The following SNTB1 variants were observed in gnomAD, a reference collection of about 807,000 sequenced individuals.
SNTB1 encodes the protein beta-1-syntrophin.
Under a neutral mutation model 48.9 loss-of-function variants are expected in SNTB1, and 36 were observed. The observed-to-expected ratio is 0.74, with a 90% confidence interval of 0.56 to 0.97. The LOEUF is 0.97. Ranked by LOEUF, SNTB1 falls within the 50% of genes least tolerant of loss-of-function variation. SNTB1 has a pLI of 0.00. For missense variants in SNTB1, 786 were observed against 703.4 expected (o/e 1.12, Z -1.33); for synonymous variants, 299 against 294.6 (o/e 1.01, Z -0.15).
At chr8:120,569,170 G>A (rs4521809) in intron 4 of SNTB1, among the ~76,000 whole-genome samples, 29,646 of 152,000 alleles carry the variant, frequency 0.2, 2,996 homozygotes, top group Middle Eastern at 0.3. Context: ...TAGTAGAGAC[G>A]GGGTTTCACC....
rs549864129 is a variant in SNTB1 at position 120,770,807 on chromosome 8, C to G, written c.571+40466G>C. ...CAGCCTGGGCAACAAGAGCAAAACTCTGTCTCAAAAAAAAATTTTTAAAAA... is the reference window on the plus strand; with the variant it reads ...CAGCCTGGGCAACAAGAGCAAAACTGTGTCTCAAAAAAAAATTTTTAAAAA... On this transcript the variant is annotated intron_variant, in intron 1 of 6. Coordinates refer to ENST00000517992, the MANE Select transcript of SNTB1 (RefSeq NM_021021.4). 2.0e-5 allele frequency among the ~76,000 whole-genome samples: 3 copies of G among 152,204 alleles called. No individual in the cohort carries two copies. In the East Asian group the frequency reaches 5.8e-4, roughly 29 times the overall value.
At chr8:120,722,901 T>C (rs992167056) in intron 1 of SNTB1, among the ~76,000 whole-genome samples, 1 of 152,202 alleles carries the variant, frequency 6.6e-6, no homozygotes, top group Non-Finnish European at 1.5e-5. Flanking sequence ...CTTTAATCCA[T>C]CTTGAATTAA....
At chr8:120,562,572 TTTC>T (rs1356145683) in intron 4 of SNTB1, among the ~76,000 whole-genome samples, 1 of 152,114 alleles carries the variant, frequency 6.6e-6, no homozygotes, top group Non-Finnish European at 1.5e-5. Flanking sequence ...GGCATGTAAA[TTTC>T]TTCATGTCAC....
At chr8:120,683,559 T>G (rs1817974652) in intron 2 of SNTB1, among the ~76,000 whole-genome samples, 1 of 152,090 alleles carries the variant, frequency 6.6e-6, no homozygotes, top group Admixed American at 6.6e-5. Flanking sequence ...GGTGGTGTGG[T>G]GACTGCAGTG....
chr8:120,551,479 T>C (rs1202856479), intron 4 of SNTB1, among the ~76,000 whole-genome samples: 1 of 151,936 alleles, frequency 6.6e-6, no homozygotes, highest in African/African-American at 2.4e-5. Flanking sequence ...TGTCTGACAT[T>C]TGTTAAACTT....
intron 3 of SNTB1, among the ~76,000 whole-genome samples, chr8:120,606,598 C>T (rs1311183984): frequency 1.3e-5 from 2 of 152,010 alleles, no homozygotes; most frequent in African/African-American, 2.4e-5. Context: ...ATAAAATTTC[C>T]ACCCGCAGGT....
At chr8:120,562,813 C>A (rs1457219111) in intron 4 of SNTB1, among the ~76,000 whole-genome samples, 2 of 152,096 alleles carry the variant, frequency 1.3e-5, no homozygotes, top group Admixed American at 6.5e-5. Flanking sequence ...GGTCCCCATC[C>A]ACCCTTCCAC....
chr8:120,800,951 T>C (rs1391809632), intron 1 of SNTB1, among the ~76,000 whole-genome samples: 1 of 152,070 alleles, frequency 6.6e-6, no homozygotes, highest in African/African-American at 2.4e-5. Flanking sequence ...GAATAGAGTT[T>C]AAAATATTAG....
At chr8:120,744,193 TC>T (rs1483836215) in intron 1 of SNTB1, among the ~76,000 whole-genome samples, 1 of 151,874 alleles carries the variant, frequency 6.6e-6, no homozygotes, top group African/African-American at 2.4e-5. Flanking sequence ...GGTCTTCACT[TC>T]GATTTATTTC....
chr8:120,763,640 G>A (rs932744593), intron 1 of SNTB1, among the ~76,000 whole-genome samples: 4 of 152,044 alleles, frequency 2.6e-5, no homozygotes, highest in Non-Finnish European at 2.9e-5. Flanking sequence ...AACCAAATGG[G>A]AAACATTTGC....
chr8:120,622,810 CCCCTGCCAAAATT>C (rs1246377931), intron 3 of SNTB1, among the ~76,000 whole-genome samples: 2 of 152,170 alleles, frequency 1.3e-5, no homozygotes. Context: ...TATTGTTGGT[CCCCTGCCAAAATT>C]CCCTTTGTTA....
chr8:120,566,856 TA>T (rs1157398038), intron 4 of SNTB1, among the ~76,000 whole-genome samples: 4 of 152,186 alleles, frequency 2.6e-5, no homozygotes, highest in Non-Finnish European at 5.9e-5. Context: ...TTTGCATGAT[TA>T]GGGGTAACAA....
intron 2 of SNTB1, among the ~76,000 whole-genome samples, chr8:120,685,474 G>A (rs1318839811): frequency 2.0e-5 from 3 of 152,178 alleles, no homozygotes; most frequent in Admixed American, 1.3e-4. Flanking sequence ...AGCCATGCCT[G>A]GGGCCACTTG....
intron 1 of SNTB1, among the ~76,000 whole-genome samples, chr8:120,699,369 G>A (rs2129881745): frequency 6.6e-6 from 1 of 152,332 alleles, no homozygotes; most frequent in East Asian, 1.9e-4. Flanking sequence ...GATCCCTCAT[G>A]AATGGCTTAG....
intron 1 of SNTB1, among the ~76,000 whole-genome samples, chr8:120,781,081 A>G (rs1217629401): frequency 1.3e-5 from 2 of 152,198 alleles, no homozygotes; most frequent in African/African-American, 4.8e-5. Flanking sequence ...AGATCCATAG[A>G]GAATGAGACT....
intron 2 of SNTB1, among the ~76,000 whole-genome samples, chr8:120,686,149 C>G (rs1818027370): frequency 6.6e-6 from 1 of 152,254 alleles, no homozygotes; most frequent in Non-Finnish European, 1.5e-5. Flanking sequence ...CTCCTTAAAT[C>G]TCCTTTCACA....
intron 2 of SNTB1, among the ~76,000 whole-genome samples, chr8:120,668,984 G>A (rs2129776312): frequency 6.6e-6 from 1 of 152,276 alleles, no homozygotes; most frequent in South Asian, 2.1e-4. Flanking sequence ...CACCTTAGAA[G>A]CTGAGGGGAT....
chr8:120,602,800 T>A (rs1816443055), intron 3 of SNTB1, among the ~76,000 whole-genome samples: 1 of 150,560 alleles, frequency 6.6e-6, no homozygotes, highest in Non-Finnish European at 1.5e-5. Context: ...ATTATATATA[T>A]AAATTATATA....
intron 1 of SNTB1, among the ~76,000 whole-genome samples, chr8:120,713,555 C>T (rs1818502964): frequency 6.6e-6 from 1 of 152,066 alleles, no homozygotes; most frequent in Non-Finnish European, 1.5e-5. Flanking sequence ...TATGGTGAAA[C>T]CCCATCTCTA....
Sources: allele counts gnomAD v4.1 joint callset (sites outside exome capture counted in the v4.1 genomes callset), GRCh38; gene constraint gnomAD v4.1.1; transcripts MANE v1.5; gene names NCBI Gene and HGNC (gene_info 2026-07-23, HGNC 2026-07-21).